Variants in ASB3 observed in about 807,000 individuals in gnomAD.
ASB3 encodes ankyrin repeat and SOCS box protein 3.
In ASB3, 41 loss-of-function variants were observed where a neutral mutation model predicts 54.5. The ratio of observed to expected loss-of-function variants is 0.75; its 90% CI spans 0.59 to 0.98. The LOEUF is 0.98. Among genes scored for constraint, ASB3 ranks in the 50% least tolerant of loss-of-function variants. The pLI is 0.00. For synonymous variants in ASB3, 266 were observed against 221.2 expected, an observed-to-expected ratio of 1.20 and a Z score of -1.80; for missense variants, 733 against 620.0, an observed-to-expected ratio of 1.18 and a Z score of -1.94.
At chr2:53,678,119 A>G (rs1668179171) in intron 9 of ASB3, among the ~76,000 whole-genome samples, 1 of 146,096 alleles carries the variant, frequency 6.8e-6, no homozygotes, top group Non-Finnish European at 1.5e-5. Context: ...TATACCCATC[A>G]TCTCATATAG....
intron 9 of ASB3, among the ~76,000 whole-genome samples, chr2:53,676,375 T>A (rs949492679): frequency 2.0e-5 from 3 of 152,200 alleles, no homozygotes; most frequent in Non-Finnish European, 2.9e-5. Flanking sequence ...ACTCCTTCAA[T>A]GGTCATTCTT....
chr2:53,740,843 T>C (rs374962533), intron 3 of ASB3, among the ~76,000 whole-genome samples: 1 of 152,138 alleles, frequency 6.6e-6, no homozygotes, highest in African/African-American at 2.4e-5. Context: ...CAAATGAAAG[T>C]ATTAAAAGAC....
chr2:53,711,453 G>A (rs1336162585), intron 7 of ASB3, among the ~76,000 whole-genome samples: 1 of 152,166 alleles, frequency 6.6e-6, no homozygotes, highest in Non-Finnish European at 1.5e-5. Flanking sequence ...GTGCTACTCA[G>A]CTCCAGATCA....
At chr2:53,715,816 T>C (rs1460758583) in intron 6 of ASB3, among the ~76,000 whole-genome samples, 2 of 152,198 alleles carry the variant, frequency 1.3e-5, no homozygotes, top group East Asian at 1.9e-4. Flanking sequence ...TTTCCTACTA[T>C]GTAAACAAAC....
chr2:53,760,633 T>A (rs1572985300), intron 2 of ASB3, among the ~76,000 whole-genome samples: 1 of 145,688 alleles, frequency 6.9e-6, no homozygotes, highest in Non-Finnish European at 1.5e-5. Flanking sequence ...AGCTAACCAA[T>A]GGAAATTACT....
intron 7 of ASB3, among the ~76,000 whole-genome samples, chr2:53,708,533 G>C (rs1012503004): frequency 6.6e-6 from 1 of 152,222 alleles, no homozygotes; most frequent in African/African-American, 2.4e-5. Flanking sequence ...AGCAACTTGG[G>C]AACTTGGTAA....
chr2:53,700,515 C>A lies in ASB3; in HGVS notation c.994G>T (p.Gly332Ter). ...MAFQKDCEFF[G>*]IVNILLKYGA... Reference sequence around the variant, plus strand: ...TATTTCAAAAGAATGTTCACAATTCCAAAGAACTCACAGCTCCACCATAAA... The same window carrying A: ...TATTTCAAAAGAATGTTCACAATTCAAAAGAACTCACAGCTCCACCATAAA... The change falls in exon 8 of 10, where the codon GGA becomes TGA. Residue 332 changes from glycine (G) to a stop codon, truncating the protein, a stop_gained. Coordinates refer to ENST00000263634, the MANE Select transcript of ASB3 (RefSeq NM_016115.5). LOFTEE classifies it high-confidence loss of function. 2 of 1,608,960 alleles carry A rather than the reference C, an allele frequency of 1.2e-6. No individual in the cohort carries two copies. The highest frequency in any genetic ancestry group is 2.2e-5 in the South Asian group (2 of 89,600).
intron 9 of ASB3, among the ~76,000 whole-genome samples, chr2:53,682,249 G>A (rs968041888): frequency 6.6e-6 from 1 of 151,818 alleles, no homozygotes; most frequent in African/African-American, 2.4e-5. Context: ...TGAATCTGTA[G>A]ATTGCTTTAA....
intron 9 of ASB3, among the ~76,000 whole-genome samples, chr2:53,675,751 TTAAGTA>T (rs1195296719): frequency 6.6e-6 from 1 of 152,240 alleles, no homozygotes; most frequent in East Asian, 1.9e-4. Flanking sequence ...TCCAAGTGTT[TTAAGTA>T]TGTCAATGAA....
intron 5 of ASB3, among the ~76,000 whole-genome samples, chr2:53,718,567 G>C (rs1443684072): frequency 6.6e-6 from 1 of 152,030 alleles, no homozygotes; most frequent in African/African-American, 2.4e-5. Flanking sequence ...AAAACACACT[G>C]AAGTACATAG....
intron 1 of ASB3, among the ~76,000 whole-genome samples, chr2:53,766,103 TCTTCCTGCA>T (rs1175440150): frequency 6.6e-6 from 1 of 152,166 alleles, no homozygotes; most frequent in Non-Finnish European, 1.5e-5. Context: ...GTCATTCTAG[TCTTCCTGCA>T]CCTGCTTGTC....
intron 3 of ASB3, among the ~76,000 whole-genome samples, chr2:53,740,031 G>A (rs1423838032): frequency 6.6e-6 from 1 of 152,206 alleles, no homozygotes; most frequent in Admixed American, 6.5e-5. Context: ...GACATGGTCA[G>A]TAAGTCTGTA....
chr2:53,716,386 G>C (rs924347976), intron 6 of ASB3, among the ~76,000 whole-genome samples, 180 bp downstream of exon 6: 11 of 152,092 alleles, frequency 7.2e-5, no homozygotes, highest in South Asian at 2.1e-4. Context: ...TGAAAGTGCA[G>C]GAATAGTAGG....
At chr2:53,723,982 T>C (rs895303388) in intron 5 of ASB3, among the ~76,000 whole-genome samples, 5 of 152,004 alleles carry the variant, frequency 3.3e-5, no homozygotes, top group African/African-American at 7.2e-5. Flanking sequence ...ATAAAAATCC[T>C]AGTTAGAAAA....
chr2:53,697,573 T>C (rs1669254061), intron 8 of ASB3, among the ~76,000 whole-genome samples: 1 of 152,134 alleles, frequency 6.6e-6, no homozygotes, highest in African/African-American at 2.4e-5. Flanking sequence ...CAAGGCATAA[T>C]TTACCTTAAA....
At chr2:53,774,432 C>G (rs1674186261) in intron 1 of ASB3, 2 of 1,610,750 alleles carry the variant, frequency 1.2e-6, no homozygotes, top group Non-Finnish European at 8.5e-7. Flanking sequence ...CTATTAGGAA[C>G]CTTGTGCCAG....
chr2:53,781,412 C>CA (rs201329287), intron 1 of ASB3, among the ~76,000 whole-genome samples: 372 of 103,396 alleles, frequency 3.6e-3, no homozygotes, highest in Admixed American at 4.6e-3. Flanking sequence ...ACTCTGTCTC[C>CA]AAAAAAAAAA....
At chr2:53,735,172 G>A (rs3770399) in intron 3 of ASB3, among the ~76,000 whole-genome samples, 26,762 of 151,720 alleles carry the variant, frequency 0.18, 2,363 homozygotes, top group South Asian at 0.23. Context: ...AGCCTGCCTC[G>A]GCCTCCCAAA....
intron 3 of ASB3, among the ~76,000 whole-genome samples, chr2:53,743,854 C>A (rs1474027133): frequency 6.6e-6 from 1 of 151,824 alleles, no homozygotes; most frequent in African/African-American, 2.4e-5. Flanking sequence ...ACCAGCCTGG[C>A]CAACATGGTG....
Sources: allele counts gnomAD v4.1 joint callset (sites outside exome capture counted in the v4.1 genomes callset), GRCh38; gene constraint gnomAD v4.1.1; transcripts MANE v1.5; gene names NCBI Gene and HGNC (gene_info 2026-07-23, HGNC 2026-07-21).